The following WWOX variants were observed in gnomAD, a reference collection of about 807,000 sequenced individuals.
The protein encoded by WWOX is WW domain containing oxidoreductase.
WWOX carries 69 observed loss-of-function variants against 46.2 expected under a neutral mutation model. The ratio of observed to expected loss-of-function variants is 1.49; its 90% CI spans 1.23 to 1.82. The LOEUF is 1.82. Ranked by LOEUF, WWOX falls within the 40% of genes most tolerant of loss-of-function variation. The pLI is 0.00. For synonymous variants in WWOX, 359 were observed against 202.6 expected, an observed-to-expected ratio of 1.77 and a Z score of -6.56; for missense variants, 919 against 542.6, an observed-to-expected ratio of 1.69 and a Z score of -6.89.
intron 8 of WWOX, among the ~76,000 whole-genome samples, chr16:78,454,727 C>T (rs543254084): frequency 9.9e-5 from 15 of 152,218 alleles, no homozygotes; most frequent in South Asian, 2.1e-4. Flanking sequence ...GAACTCTCAA[C>T]GTCAGGTGAT....
At chr16:78,777,691 A>G (rs575418430) in intron 8 of WWOX, among the ~76,000 whole-genome samples, 135 of 152,276 alleles carry the variant, frequency 8.9e-4, no homozygotes, top group Admixed American at 8.0e-3. Context: ...TTTACCTAAA[A>G]AGGTAATCAT....
At chr16:78,615,568 A>C (rs1384839155) in intron 8 of WWOX, among the ~76,000 whole-genome samples, 1 of 151,950 alleles carries the variant, frequency 6.6e-6, no homozygotes, top group Non-Finnish European at 1.5e-5. Flanking sequence ...AAGGCAAGAG[A>C]ATCCCCTGAG....
intron 8 of WWOX, among the ~76,000 whole-genome samples, chr16:78,573,790 A>G (rs964985509): frequency 2.0e-5 from 3 of 152,222 alleles, no homozygotes; most frequent in Non-Finnish European, 4.4e-5. Flanking sequence ...CCACTTGAAC[A>G]CACTTCACAT....
At chr16:78,482,415 G>A (rs1415918303) in intron 8 of WWOX, among the ~76,000 whole-genome samples, 1 of 152,070 alleles carries the variant, frequency 6.6e-6, no homozygotes. Flanking sequence ...TAGACACCAG[G>A]TTTCACCATG....
intron 8 of WWOX, among the ~76,000 whole-genome samples, chr16:79,028,687 C>T (rs936967412): frequency 2.6e-5 from 4 of 151,608 alleles, no homozygotes; most frequent in African/African-American, 9.8e-5. Context: ...CACATAAGCC[C>T]CCATGGAAAG....
intron 8 of WWOX, among the ~76,000 whole-genome samples, chr16:78,820,753 T>C (rs2051471307): frequency 6.6e-6 from 1 of 152,186 alleles, no homozygotes; most frequent in African/African-American, 2.4e-5. Flanking sequence ...TTCATGGTTT[T>C]GGTGGCCGGA....
chr16:78,451,974 T>G (rs74030276), intron 8 of WWOX, among the ~76,000 whole-genome samples: 11,137 of 152,214 alleles, frequency 0.073, 494 homozygotes, highest in East Asian at 0.2. Flanking sequence ...CAGGTCATAT[T>G]AATGCAATGG....
At chr16:78,413,764 C>T (rs1031757227) in intron 6 of WWOX, among the ~76,000 whole-genome samples, 1 of 151,994 alleles carries the variant, frequency 6.6e-6, no homozygotes, top group Non-Finnish European at 1.5e-5. Context: ...TGTGCTGACT[C>T]AGTTCCTGGG....
At chr16:79,143,178 G>C (rs151006997) in intron 8 of WWOX, among the ~76,000 whole-genome samples, 3 of 152,212 alleles carry the variant, frequency 2.0e-5, no homozygotes, top group African/African-American at 7.2e-5. Context: ...GGTAGCTGCA[G>C]ATTTTATAGT....
intron 8 of WWOX, among the ~76,000 whole-genome samples, chr16:78,924,316 G>C (rs766349415): frequency 6.6e-6 from 1 of 152,082 alleles, no homozygotes; most frequent in African/African-American, 2.4e-5. Context: ...TTTAGGGGGT[G>C]GGGTTGCTTT....
intron 5 of WWOX, among the ~76,000 whole-genome samples, chr16:78,360,627 A>G (rs1382814505): frequency 2.1e-5 from 1 of 46,636 alleles, no homozygotes; most frequent in East Asian, 2.2e-4. Context: ...ATTTCACAGT[A>G]CCTCTACTTT....
chr16:79,160,287 G>C (rs568547699), intron 8 of WWOX, among the ~76,000 whole-genome samples: 3 of 152,242 alleles, frequency 2.0e-5, no homozygotes, highest in Admixed American at 1.3e-4. Flanking sequence ...AGACTATTTC[G>C]TGAGAAAGAA....
intron 8 of WWOX, among the ~76,000 whole-genome samples, chr16:78,674,062 CAA>C (rs1307126474): frequency 3.3e-5 from 5 of 152,024 alleles, no homozygotes; most frequent in African/African-American, 9.7e-5. Context: ...GGAACCGACT[CAA>C]AGAGAAATTT....
intron 5 of WWOX, among the ~76,000 whole-genome samples, chr16:78,346,342 G>A (rs1431643557): frequency 8.3e-6 from 1 of 121,054 alleles, no homozygotes; most frequent in Non-Finnish European, 2.0e-5. Context: ...TAATGTGAAC[G>A]AAGCCACCGT....
At chr16:78,892,394 A>T (rs1452679827) in intron 8 of WWOX, 4 of 152,196 alleles carry the variant, frequency 2.6e-5, no homozygotes, top group African/African-American at 9.7e-5. Flanking sequence ...CCTTCGAGAA[A>T]TTAATACTCT....
At chr16:79,195,401 T>C (rs936634144) in intron 8 of WWOX, among the ~76,000 whole-genome samples, 2 of 152,208 alleles carry the variant, frequency 1.3e-5, no homozygotes, top group African/African-American at 4.8e-5. Context: ...AAGTCATTGA[T>C]GTGGGCTCCC....
intron 8 of WWOX, among the ~76,000 whole-genome samples, chr16:78,483,355 A>G (rs938916248): frequency 3.3e-5 from 5 of 151,160 alleles, no homozygotes; most frequent in Non-Finnish European, 5.9e-5. Context: ...CGTCTGCAGA[A>G]GCATTGGCTG....
At chr16:78,844,194 C>T (rs1026883420) in intron 8 of WWOX, among the ~76,000 whole-genome samples, 1 of 152,134 alleles carries the variant, frequency 6.6e-6, no homozygotes, top group African/African-American at 2.4e-5. Context: ...CCATACCTTC[C>T]CCTCTTTTGG....
chr16:78,778,273 A>G (rs185025651), intron 8 of WWOX, among the ~76,000 whole-genome samples: 255 of 152,146 alleles, frequency 1.7e-3, no homozygotes, highest in Non-Finnish European at 2.7e-3. Flanking sequence ...GCTCTTGGCA[A>G]TACTCTGGTG....
Sources: allele counts gnomAD v4.1 joint callset (sites outside exome capture counted in the v4.1 genomes callset), GRCh38; gene constraint gnomAD v4.1.1; transcripts MANE v1.5; gene names NCBI Gene and HGNC (gene_info 2026-07-23, HGNC 2026-07-21).